Variants in PTCHD4 observed in about 807,000 individuals in gnomAD.
PTCHD4 encodes the protein patched domain containing 4.
In PTCHD4, 33 loss-of-function variants were observed where a neutral mutation model predicts 58.1. That is an observed-to-expected ratio of 0.57 (90% CI 0.43 to 0.76). PTCHD4 has a LOEUF of 0.76. Among genes scored for constraint, PTCHD4 ranks in the 30% least tolerant of loss-of-function variants. PTCHD4 has a pLI of 0.00. For missense variants in PTCHD4, 1,058 were observed against 1,027.1 expected (o/e 1.03, Z -0.41); for synonymous variants, 478 against 409.6 (o/e 1.17, Z -2.02).
rs1389881142 is a variant in PTCHD4 at position 48,009,081 on chromosome 6, C to G, written c.451G>C (p.Gly151Arg). Residue 151 changes from glycine (G) to arginine (R), a missense_variant, in exon 4 of 5, where the codon GGC (glycine) becomes CGC (arginine). Transcript: ENST00000339488. ...GRNSFIGHQL[G>R]GVVEVPNSKD... The stretch of plus-strand genomic sequence containing the variant: ...CTGTTTGGCACTTCCACTACCCCGC[C>G]CAGTTGGTGTCCAATAAAACTGTTC... 1 of 1,613,094 alleles carries G rather than the reference C, an allele frequency of 6.2e-7. No individual in the cohort carries two copies. The highest frequency in any genetic ancestry group is 8.5e-7 in the Non-Finnish European group (1 of 1,179,466).
chr6:47,969,912 G>T (rs1767439140), intron 4 of PTCHD4, among the ~76,000 whole-genome samples: 1 of 152,074 alleles, frequency 6.6e-6, no homozygotes, highest in Non-Finnish European at 1.5e-5. Flanking sequence ...ATAATAAACT[G>T]TGAATCAAAT....
At chr6:48,034,389 A>C (rs975537738) in intron 3 of PTCHD4, among the ~76,000 whole-genome samples, 2 of 152,134 alleles carry the variant, frequency 1.3e-5, no homozygotes, top group Admixed American at 1.3e-4. Flanking sequence ...CGAACCTGAT[A>C]AATGGGGCAT....
intron 4 of PTCHD4, among the ~76,000 whole-genome samples, chr6:47,978,976 T>C (rs766663232): frequency 5.3e-5 from 8 of 152,180 alleles, no homozygotes; most frequent in Non-Finnish European, 8.8e-5. Context: ...CTATTTATTC[T>C]TATGCTTTCA....
At chr6:48,020,202 A>AT (rs989849870) in intron 3 of PTCHD4, among the ~76,000 whole-genome samples, 37 of 152,000 alleles carry the variant, frequency 2.4e-4, no homozygotes, top group African/African-American at 7.7e-4. Context: ...GCATGGCATG[A>AT]TTTTTTTTCC....
Position 48,068,744 on chromosome 6 carries a change from C to A in PTCHD4, c.6-103G>T. Reference sequence around the variant, plus strand: ...CCTCCCCACCGCCGCCGCCTCCCCACCCACTCCGCGCTCACCCCACAACCA... The same window carrying A: ...CCTCCCCACCGCCGCCGCCTCCCCAACCACTCCGCGCTCACCCCACAACCA... On this transcript the variant is annotated intron_variant, in intron 2 of 4. Transcript: ENST00000339488. The surrounding 1 kb of genome is among the most constrained non-coding windows in gnomAD (Gnocchi z 4.2). The A allele has an allele frequency of 1.7e-6, 2 of 1,149,028 alleles. No individual in the cohort carries two copies. Among genetic ancestry groups the A allele is most frequent in the Non-Finnish European group, 2.4e-6 (2 of 829,464 alleles). 71.2% of individuals were successfully genotyped at this position (1,149,028 alleles called of 1,614,324 possible).
chr6:48,053,429 C>T (rs1764302316), intron 3 of PTCHD4, among the ~76,000 whole-genome samples: 1 of 152,036 alleles, frequency 6.6e-6, no homozygotes, highest in African/African-American at 2.4e-5. Flanking sequence ...GTTGCAAAAT[C>T]ACAAACAAAC....
In PTCHD4 at chr6:47,861,705, T is replaced by C. The variant is rs1581792864; in HGVS notation, c.*16598A>G. ...ATAGCAGGCAAATAAATAATAACTC[T>C]AGTTTTGCCAATGTCTCATAACAAA... On this transcript the variant is annotated 3_prime_UTR_variant, in exon 5 of 5. Transcript: ENST00000339488. Among the ~76,000 whole-genome samples the C allele has an allele frequency of 6.6e-6, 1 of 151,946 alleles. No homozygotes were observed. Among genetic ancestry groups the C allele is most frequent in the East Asian group, 1.9e-4 (1 of 5,162 alleles).
At chr6:48,086,761 G>A (rs1310651250) in intron 1 of PTCHD4, among the ~76,000 whole-genome samples, 3 of 152,124 alleles carry the variant, frequency 2.0e-5, no homozygotes, top group Non-Finnish European at 4.4e-5. Flanking sequence ...AAGTGAGTAT[G>A]TGTATCAAGG....
intron 4 of PTCHD4, among the ~76,000 whole-genome samples, chr6:47,922,607 A>G (rs1324832420): frequency 6.6e-6 from 1 of 152,234 alleles, no homozygotes; most frequent in Non-Finnish European, 1.5e-5. Context: ...TGGCTTGGCA[A>G]GTGGAATCTG....
rs1314629190 is a variant in PTCHD4 at position 47,876,443 on chromosome 6, T to C, written c.*1860A>G. On this transcript the variant is annotated 3_prime_UTR_variant, in exon 5 of 5. Coordinates refer to ENST00000339488, the MANE Select transcript of PTCHD4 (RefSeq NM_001384253.1). ...TAAATGTTTTCATTTTAGGGTCTGT[T>C]CCCTTTCCCCTTTATATTCTGGAAA... 6.6e-6 allele frequency among the ~76,000 whole-genome samples: 1 copy of C among 151,944 alleles called. No individual in the cohort carries two copies. Among genetic ancestry groups the C allele is most frequent in the African/African-American group, 2.4e-5 (1 of 41,406 alleles).
intron 4 of PTCHD4, among the ~76,000 whole-genome samples, chr6:47,952,192 G>A (rs1267959563): frequency 2.0e-5 from 3 of 152,054 alleles, no homozygotes; most frequent in African/African-American, 4.8e-5. Context: ...CATTGATAAA[G>A]CATTGATAGT....
At chr6:48,002,707 T>C (rs955267487) in intron 4 of PTCHD4, among the ~76,000 whole-genome samples, 47 of 151,950 alleles carry the variant, frequency 3.1e-4, no homozygotes, top group Non-Finnish European at 4.3e-4. Context: ...CATGTATATA[T>C]ATGTAACAAA....
intron 3 of PTCHD4, among the ~76,000 whole-genome samples, chr6:48,051,194 C>T (rs1288483465): frequency 6.6e-6 from 1 of 151,838 alleles, no homozygotes; most frequent in East Asian, 1.9e-4. Context: ...ATAAAAATTA[C>T]TCCCCCTTTG....
intron 1 of PTCHD4, among the ~76,000 whole-genome samples, chr6:48,108,720 A>T (rs1293975766): frequency 6.6e-6 from 1 of 152,064 alleles, no homozygotes; most frequent in Non-Finnish European, 1.5e-5. Context: ...TCAATAATAG[A>T]TTAAACCTTT....
chr6:47,998,218 A>G (rs1768577017), intron 4 of PTCHD4, among the ~76,000 whole-genome samples: 1 of 152,100 alleles, frequency 6.6e-6, no homozygotes, highest in Non-Finnish European at 1.5e-5. Context: ...GTATTTGAGG[A>G]TGGCTTAGAT....
chr6:48,038,922 A>T lies in PTCHD4; in HGVS notation c.417+29308T>A, dbSNP rs182183137. 1.6e-3 allele frequency among the ~76,000 whole-genome samples: 241 copies of T among 152,294 alleles called. 4 individuals are homozygous for T. Among genetic ancestry groups the T allele is most frequent in the Non-Finnish European group, 6.2e-4 (42 of 68,016 alleles). The stretch of plus-strand genomic sequence containing the variant: ...CTGAAAAGGTTTGTTATGGACAATG[A>T]TAAGATTCTTACTTATTCTGTAGGT... On this transcript the variant is annotated intron_variant, in intron 3 of 4. Coordinates refer to ENST00000339488, the MANE Select transcript of PTCHD4 (RefSeq NM_001384253.1).
rs141407492 is a variant in PTCHD4, at chr6:47,884,167, A to T, written c.899-4231T>A. On this transcript the variant is annotated intron_variant, in intron 4 of 4. Coordinates refer to ENST00000339488, the MANE Select transcript of PTCHD4 (RefSeq NM_001384253.1). ...ATCTACCCATCTGTTCAGATAGGTA[A>T]CTACCTATATAACTAATTCAAAGAA... Among the ~76,000 whole-genome samples, 417 of 152,194 alleles carry T rather than the reference A, an allele frequency of 2.7e-3. 3 individuals are homozygous for T. Among genetic ancestry groups the T allele is most frequent in the African/African-American group, 8.1e-3 (336 of 41,532 alleles).
chr6:47,960,808 A>G (rs774886634), intron 4 of PTCHD4, among the ~76,000 whole-genome samples: 1 of 151,992 alleles, frequency 6.6e-6, no homozygotes, highest in Non-Finnish European at 1.5e-5. Context: ...GAAAAAAAGA[A>G]CTGCAAAGAG....
In PTCHD4 at chr6:47,858,797, A is replaced by G. The variant is rs1225829579; in HGVS notation, c.*19506T>C. 6.6e-6 allele frequency among the ~76,000 whole-genome samples: 1 copy of G among 152,088 alleles called. No individual in the cohort carries two copies. Among genetic ancestry groups the G allele is most frequent in the Non-Finnish European group, 1.5e-5 (1 of 67,982 alleles). On this transcript the variant is annotated 3_prime_UTR_variant, in exon 5 of 5. Coordinates refer to ENST00000339488, the MANE Select transcript of PTCHD4 (RefSeq NM_001384253.1). The stretch of plus-strand genomic sequence containing the variant: ...AAAATTTAGAAGGTGAGAAATTTCT[A>G]TCAGAAAGGAAAACAATACAGCAAA...
Sources: gnomAD v4.1 joint callset for allele counts (sites outside exome capture counted in the v4.1 genomes callset) on GRCh38, gnomAD v4.1.1 for gene constraint, Gnocchi (gnomAD v3.1) non-coding constraint, MANE v1.5 for transcripts, NCBI Gene and HGNC (gene_info 2026-07-23, HGNC 2026-07-21) for gene names.